The following MAEA variants were observed in gnomAD, a reference collection of about 807,000 sequenced individuals.
MAEA encodes E3 ubiquitin-protein transferase MAEA.
A neutral mutation model predicts 46.2 loss-of-function variants in MAEA; 22 were observed. That is an observed-to-expected ratio of 0.48 (90% CI 0.34 to 0.68). MAEA has a LOEUF of 0.68. Ranked by LOEUF, MAEA falls within the 30% of genes least tolerant of loss-of-function variation. MAEA has a pLI of 0.01. For synonymous variants in MAEA, 246 were observed against 222.6 expected (o/e 1.11, Z -0.94); for missense variants, 393 against 558.1 (o/e 0.70, Z 2.98).
rs368216708 is a variant in MAEA, at chr4:1,324,737, G to A, written c.579+2234G>A. ...TGGATGAGTGTGTCTGGTGTTGGAT[G>A]AAGTTGAGATTGGATGCCTGGTGGA... On this transcript the variant is annotated intron_variant, in intron 4 of 8. Transcript: ENST00000303400. 2.2e-5 allele frequency among the ~76,000 whole-genome samples: 2 copies of A among 91,616 alleles called. 1 individual carries two copies. Among genetic ancestry groups the A allele is most frequent in the Non-Finnish European group, 4.0e-5 (2 of 49,980 alleles). The allele number at this position is 91,616 out of a possible 152,430, so 60.1% of individuals were successfully genotyped here. A position where few individuals can be genotyped will look rare whatever the true frequency, so the allele number is the denominator to read the frequency against.
At chr4:1,314,503 A>G (rs903760206) in intron 2 of MAEA, among the ~76,000 whole-genome samples, 2 of 152,194 alleles carry the variant, frequency 1.3e-5, no homozygotes, top group Non-Finnish European at 2.9e-5. Flanking sequence ...TGAAAAATCA[A>G]AGTGGCTGCG....
intron 3 of MAEA, among the ~76,000 whole-genome samples, chr4:1,317,079 C>G (rs867599546): frequency 8.8e-6 from 1 of 114,186 alleles, no homozygotes. Context: ...AGGCCCACCC[C>G]GGCCCCCACA....
intron 2 of MAEA, among the ~76,000 whole-genome samples, chr4:1,313,456 G>A (rs919639433): frequency 1.2e-4 from 19 of 152,198 alleles, no homozygotes; most frequent in South Asian, 2.1e-4. Context: ...CAGGCTGGGC[G>A]CGGTGGCTCA....
Position 1,332,808 on chromosome 4 carries a change from G to A in MAEA, c.708G>A (p.Val236=), listed in dbSNP as rs1411269530. 1.2e-6 allele frequency: 2 copies of A among 1,613,220 alleles called. No individual in the cohort carries two copies. Among genetic ancestry groups the A allele is most frequent in the African/African-American group, 2.7e-5 (2 of 74,892 alleles). ...CAGAAGGGAGCCAGCTGGACGAGGTGCGCCAGGCCATGGGCATGCTGGCCT... is the reference window on the plus strand; with the variant it reads ...CAGAAGGGAGCCAGCTGGACGAGGTACGCCAGGCCATGGGCATGCTGGCCT... ...SQAEGSQLDE[V]RQAMGMLAFP... is the part of the protein sequence containing the mutation. The change falls in exon 6 of 9, where the codon GTG becomes GTA. Residue 236 remains valine (V), a synonymous_variant. Coordinates refer to ENST00000303400, the MANE Select transcript of MAEA (RefSeq NM_001017405.3).
intron 1 of MAEA, among the ~76,000 whole-genome samples, chr4:1,295,954 C>T (rs1410297853): frequency 1.9e-4 from 23 of 120,558 alleles, no homozygotes; most frequent in African/African-American, 7.1e-4. Context: ...CACCCTCGCC[C>T]GCACCTGTGC....
In MAEA at chr4:1,322,654, G is replaced by A. The variant is rs546253925; in HGVS notation, c.579+151G>A. 5 of 1,000,830 alleles carry A rather than the reference G, an allele frequency of 5.0e-6. No individual in the cohort carries two copies. The East Asian group carries it at 1.3e-4, about 26-fold the overall frequency. 62.0% of individuals were successfully genotyped at this position (1,000,830 alleles called of 1,614,324 possible). A position where few individuals can be genotyped will look rare whatever the true frequency, so the allele number is the denominator to read the frequency against. On this transcript the variant is annotated intron_variant, in intron 4 of 8. Transcript: ENST00000303400. Reference sequence around the variant, plus strand: ...GGGTTTGGGAGTTTTTTTGGTGGCTGTGTTACACTTTTAGGCTAAAATCTG... The same window carrying A: ...GGGTTTGGGAGTTTTTTTGGTGGCTATGTTACACTTTTAGGCTAAAATCTG...
At chr4:1,299,145 T>C (rs1026488843) in intron 1 of MAEA, among the ~76,000 whole-genome samples, 1 of 152,136 alleles carries the variant, frequency 6.6e-6, no homozygotes, top group African/African-American at 2.4e-5. Flanking sequence ...TCCAAAAGTG[T>C]TGGAATAACA....
intron 5 of MAEA, chr4:1,329,155 T>A: frequency 1.0e-6 from 1 of 985,642 alleles, no homozygotes; most frequent in Non-Finnish European, 1.2e-6. Context: ...CACAGATGTC[T>A]TCATCTAGGT....
Position 1,315,267 on chromosome 4 carries a change from G to T in MAEA, c.253-130G>T, listed in dbSNP as rs1736980909. ...TGCCTAGCGGACTCGGTAGAGCACG[G>T]TTTTTTTTCTGTCCCGTAATCCCTG... On this transcript the variant is annotated intron_variant, in intron 2 of 8. Transcript: ENST00000303400. 36 of 860,608 alleles carry T rather than the reference G, an allele frequency of 4.2e-5. No individual in the cohort carries two copies. The East Asian group carries it at 8.7e-4, about 21-fold the overall frequency. The allele number at this position is 860,608 out of a possible 1,614,324, so 53.3% of individuals were successfully genotyped here.
intron 5 of MAEA, chr4:1,328,764 G>A (rs1739166105): frequency 1.7e-6 from 2 of 1,167,482 alleles, no homozygotes; most frequent in Non-Finnish European, 2.2e-6. Context: ...GTGGACCCTG[G>A]AGAGGCCCGG....
chr4:1,290,023 T>C, intron 1 of MAEA, 41 bp downstream of exon 1: 1 of 1,504,648 alleles, frequency 6.6e-7, no homozygotes, highest in Non-Finnish European at 9.0e-7. Context: ...AGCGAAGGCG[T>C]CTCCAGCCAG....
intron 3 of MAEA, among the ~76,000 whole-genome samples, chr4:1,319,409 A>G (rs564432885): frequency 6.6e-6 from 1 of 152,266 alleles, no homozygotes; most frequent in South Asian, 2.1e-4. Flanking sequence ...CAGTTCACTT[A>G]GATGGTTTCT....
chr4:1,289,928 G>A lies in MAEA; in HGVS notation c.15G>A (p.Glu5=), dbSNP rs758621363. Reference sequence around the variant, plus strand: ...GCCGCTTCAAGATGGCGGTGCAGGAGTCGGCGGCTCAGTTGTCCATGACCC... The same window carrying A: ...GCCGCTTCAAGATGGCGGTGCAGGAATCGGCGGCTCAGTTGTCCATGACCC... MAVQ[E]SAAQLSMTLK... The change falls in exon 1 of 9, where the codon GAG becomes GAA. Residue 5 remains glutamate, a synonymous_variant. Transcript: ENST00000303400. 1.9e-6 allele frequency: 3 copies of A among 1,601,044 alleles called. No homozygotes were observed. Among genetic ancestry groups the A allele is most frequent in the South Asian group, 1.1e-5 (1 of 89,146 alleles).
intron 1 of MAEA, among the ~76,000 whole-genome samples, chr4:1,301,260 G>A (rs561739683): frequency 2.0e-5 from 3 of 152,334 alleles, no homozygotes; most frequent in African/African-American, 4.8e-5. Context: ...TGATGGCACC[G>A]TGTGGGGGCA....
Position 1,315,464 on chromosome 4 carries a change from A to T in MAEA, c.320A>T (p.Lys107Ile). ...KLCKRRIEHLKEHSSDQPAAA... is the reference protein window; with the variant it reads ...KLCKRRIEHLIEHSSDQPAAA... ...TGCAAGCGCCGGATCGAGCACCTCA[A>T]AGAGCATAGCAGCGACCAGCCCGCG... The change falls in exon 3 of 9, where the codon AAA (lysine) becomes ATA (isoleucine). Residue 107 changes from lysine to isoleucine, a missense_variant. This residue lies in a region of MAEA where 358 missense variants were observed against 537.9 expected (regional missense o/e 0.67). Transcript: ENST00000303400. The T allele has an allele frequency of 6.2e-7, 1 of 1,613,910 alleles. No homozygotes were observed. Among genetic ancestry groups the T allele is most frequent in the Non-Finnish European group, 8.5e-7 (1 of 1,180,016 alleles).
At chr4:1,321,709 G>A (rs548168789) in intron 3 of MAEA, among the ~76,000 whole-genome samples, 2 of 152,178 alleles carry the variant, frequency 1.3e-5, no homozygotes, top group East Asian at 1.9e-4. Context: ...CCACCTGAGC[G>A]CTTGCCCCAA....
At chr4:1,309,742 T>G (rs1221922944) in intron 1 of MAEA, 2 of 1,504,478 alleles carry the variant, frequency 1.3e-6, no homozygotes, top group Non-Finnish European at 1.8e-6. Context: ...CCTTCATGCC[T>G]GCGTTCTGCG....
intron 1 of MAEA, among the ~76,000 whole-genome samples, chr4:1,297,454 C>CGT (rs368069067): frequency 1.3e-5 from 2 of 150,490 alleles, no homozygotes; most frequent in Non-Finnish European, 2.9e-5. Context: ...TGAAAAAGTA[C>CGT]GTGCGTATGT....
rs34281035 is a variant in MAEA at position 1,329,211 on chromosome 4, C to T, written c.656+1508C>T. On this transcript the variant is annotated intron_variant, in intron 5 of 8. Transcript: ENST00000303400. Reference sequence around the variant, plus strand: ...GTCTGTTGACCTGTTACCCCCACTCCGCATAGGGTCTATTTGCCTGTGTTA... The same window carrying T: ...GTCTGTTGACCTGTTACCCCCACTCTGCATAGGGTCTATTTGCCTGTGTTA... The T allele has an allele frequency of 3.2e-3, 3,121 of 985,668 alleles. 6 individuals carry two copies. The highest frequency in any genetic ancestry group is 3.5e-3 in the Non-Finnish European group (2,889 of 830,100). 61.1% of individuals were successfully genotyped at this position (985,668 alleles called of 1,614,324 possible).
Sources: allele counts gnomAD v4.1 joint callset (sites outside exome capture counted in the v4.1 genomes callset), GRCh38; gene constraint gnomAD v4.1.1; regional missense constraint gnomAD v4.1.1; transcripts MANE v1.5; gene names NCBI Gene and HGNC (gene_info 2026-07-23, HGNC 2026-07-21).